SLC17A8: variants seen among roughly 807,000 people sequenced by gnomAD.
SLC17A8 encodes vesicular glutamate transporter 3.
In SLC17A8, 31 loss-of-function variants were observed where a neutral mutation model predicts 58.0. The observed-to-expected ratio is 0.53, with a 90% CI of 0.40 to 0.72. The LOEUF (loss-of-function observed/expected upper bound fraction) is 0.72, where lower values mean the gene tolerates loss of function less well. Among genes scored for constraint, SLC17A8 ranks in the 30% least tolerant of loss-of-function variants. The pLI is 0.00. For synonymous variants in SLC17A8, 228 were observed against 249.0 expected (o/e 0.92, Z 0.79); for missense variants, 655 against 727.8 (o/e 0.90, Z 1.15).
chr12:100,368,727 T>C lies in SLC17A8; in HGVS notation c.101+11235T>C, dbSNP rs530554035. Among the ~76,000 whole-genome samples, 20 of 152,332 alleles carry C rather than the reference T, an allele frequency of 1.3e-4. No individual in the cohort carries two copies. In the East Asian group the frequency reaches 2.7e-3, roughly 21 times the overall value. ...CTCATCTAAAGTTTATATTCTCTCC[T>C]TTTACAACTTCTCCCAAGTACTTTT... is the stretch of plus-strand genomic sequence containing the variant. On this transcript the variant is annotated intron_variant, in intron 1 of 11. Coordinates refer to ENST00000323346, the MANE Select transcript of SLC17A8 (RefSeq NM_139319.3).
At chr12:100,400,318 T>C (rs1193761806) in intron 5 of SLC17A8, among the ~76,000 whole-genome samples, 2 of 152,138 alleles carry the variant, frequency 1.3e-5, no homozygotes, top group African/African-American at 2.4e-5. Context: ...AGCCCTGAGA[T>C]TGTTTTTTGA....
rs1265392294 is a variant in SLC17A8 at position 100,380,961 on chromosome 12, T to A, written c.354+8T>A. On this transcript the variant is annotated splice_region_variant and intron_variant, in intron 2 of 11. Transcript: ENST00000323346. ...GGAAAACCGGAAATTCAGGTTGGTA[T>A]CAGTCCATGGTGGAAGACTTTTCTT... 1.2e-6 allele frequency: 2 copies of A among 1,613,930 alleles called. No homozygotes were observed. The highest frequency in any genetic ancestry group is 1.7e-6 in the Non-Finnish European group (2 of 1,180,024).
chr12:100,380,679 G>T (rs1409012184), intron 1 of SLC17A8, 22 bp from the exon 2 acceptor site: 18 of 1,611,760 alleles, frequency 1.1e-5, no homozygotes, highest in Non-Finnish European at 1.5e-5. Context: ...TTTATTTTCT[G>T]CCTATCCTTT....
chr12:100,378,773 T>C (rs1027183492), intron 1 of SLC17A8, among the ~76,000 whole-genome samples: 7 of 152,070 alleles, frequency 4.6e-5, no homozygotes, highest in African/African-American at 7.2e-5. Context: ...GGTAGGTACA[T>C]TGGTAGGGAA....
chr12:100,420,353 A>T lies in SLC17A8; in HGVS notation c.*194A>T. ...AGGAGCTGCGCTCAGTTGATAACAT[A>T]GTTGATAATACATATTTTTTGAATT... On this transcript the variant is annotated 3_prime_UTR_variant, in exon 12 of 12. Coordinates refer to ENST00000323346, the MANE Select transcript of SLC17A8 (RefSeq NM_139319.3). The T allele has an allele frequency of 1.7e-6, 1 of 571,882 alleles. No homozygotes were observed. Among genetic ancestry groups the T allele is most frequent in the Non-Finnish European group, 3.1e-6 (1 of 321,974 alleles). 35.4% of individuals were successfully genotyped at this position (571,882 alleles called of 1,614,324 possible).
chr12:100,364,596 G>A (rs1044510571), intron 1 of SLC17A8, among the ~76,000 whole-genome samples: 6 of 152,282 alleles, frequency 3.9e-5, no homozygotes, highest in African/African-American at 7.2e-5. Flanking sequence ...CCTGCCTATC[G>A]TCTGTTTTGT....
chr12:100,416,620 A>G (rs1593009123), intron 10 of SLC17A8, among the ~76,000 whole-genome samples: 1 of 152,160 alleles, frequency 6.6e-6, no homozygotes, highest in African/African-American at 2.4e-5. Flanking sequence ...ACCCCTTGCT[A>G]TAATTTCAGT....
chr12:100,402,781 T>C, intron 8 of SLC17A8, 36 bp downstream of exon 8: 2 of 1,583,592 alleles, frequency 1.3e-6, no homozygotes, highest in Non-Finnish European at 1.7e-6. Context: ...TTTTGAACTT[T>C]AAATCTCTTG....
chr12:100,374,166 C>G (rs1280026577), intron 1 of SLC17A8, among the ~76,000 whole-genome samples: 1 of 152,160 alleles, frequency 6.6e-6, no homozygotes, highest in Non-Finnish European at 1.5e-5. Flanking sequence ...AGTCACACAG[C>G]TCGCGTATCA....
intron 9 of SLC17A8, 125 bp downstream of exon 9, chr12:100,404,295 C>T: frequency 4.0e-6 from 5 of 1,247,730 alleles, no homozygotes; most frequent in Non-Finnish European, 5.7e-6. Flanking sequence ...CTAAGTCTGT[C>T]CCTCAGCAGA....
chr12:100,370,697 A>G (rs886857554), intron 1 of SLC17A8, among the ~76,000 whole-genome samples: 1 of 151,722 alleles, frequency 6.6e-6, no homozygotes, highest in Non-Finnish European at 1.5e-5. Context: ...ACATATGGCC[A>G]TTGGGCTTTC....
rs544725966 is a variant in SLC17A8, at chr12:100,414,190, C to T, written c.1297+1310C>T. ...AGGAAGGATGACAGAACAGTTCTGC[C>T]TGGCCCAAAGGCCGTGCTCCTTCCA... On this transcript the variant is annotated intron_variant, in intron 10 of 11. Coordinates refer to ENST00000323346, the MANE Select transcript of SLC17A8 (RefSeq NM_139319.3). Among the ~76,000 whole-genome samples, 9 of 152,276 alleles carry T rather than the reference C, an allele frequency of 5.9e-5. No individual in the cohort carries two copies. In the East Asian group the frequency reaches 1.7e-3, roughly 29 times the overall value.
chr12:100,409,189 GTA>G (rs1398658111), intron 9 of SLC17A8, among the ~76,000 whole-genome samples: 2,869 of 148,462 alleles, frequency 0.019, 37 homozygotes, highest in Non-Finnish European at 0.029. Flanking sequence ...ATGTATGTAT[GTA>G]TGTATGTATT....
At chr12:100,404,303 A>G in intron 9 of SLC17A8, 133 bp downstream of exon 9, 1 of 1,153,054 alleles carries the variant, frequency 8.7e-7, no homozygotes, top group Non-Finnish European at 1.3e-6. Flanking sequence ...GTCCCTCAGC[A>G]GACACTTGAG....
chr12:100,391,388 A>G (rs1360948448), intron 3 of SLC17A8, among the ~76,000 whole-genome samples: 1 of 29,436 alleles, frequency 3.4e-5, no homozygotes, highest in Non-Finnish European at 7.0e-5. Flanking sequence ...CCCCTCCCCC[A>G]CCCCACTCGG....
intron 1 of SLC17A8, among the ~76,000 whole-genome samples, chr12:100,374,584 C>A (rs1479647277): frequency 1.3e-5 from 2 of 152,200 alleles, no homozygotes; most frequent in African/African-American, 4.8e-5. Context: ...TGCACTCCAA[C>A]CTGGGTGACA....
chr12:100,368,929 C>T (rs1301188954), intron 1 of SLC17A8, among the ~76,000 whole-genome samples: 1 of 152,144 alleles, frequency 6.6e-6, no homozygotes, highest in African/African-American at 2.4e-5. Context: ...TTCTTAGCTG[C>T]AATCAACAGA....
At chr12:100,401,112 C>T (rs1336854645) in intron 5 of SLC17A8, among the ~76,000 whole-genome samples, 3 of 150,532 alleles carry the variant, frequency 2.0e-5, no homozygotes, top group African/African-American at 7.3e-5. Flanking sequence ...ATTCCCGTGC[C>T]TCAGCCGCCC....
intron 1 of SLC17A8, among the ~76,000 whole-genome samples, chr12:100,368,272 T>A (rs928878266): frequency 2.0e-5 from 3 of 152,212 alleles, no homozygotes; most frequent in Non-Finnish European, 4.4e-5. Flanking sequence ...CTGCTGGGAA[T>A]CCCAGGCGTG....
Sources: gnomAD v4.1 joint callset for allele counts (sites outside exome capture counted in the v4.1 genomes callset) on GRCh38, gnomAD v4.1.1 for gene constraint, MANE v1.5 for transcripts, NCBI Gene and HGNC (gene_info 2026-07-23, HGNC 2026-07-21) for gene names.